LLGL1: variants seen among roughly 807,000 people sequenced by gnomAD.
LLGL1 encodes LLGL scribble cell polarity complex component 1.
In LLGL1, 58 loss-of-function variants were observed where a neutral mutation model predicts 110.6. That is an observed-to-expected ratio of 0.52 (90% confidence interval 0.42 to 0.65). The LOEUF is 0.65. Ranked by LOEUF, LLGL1 falls within the 30% of genes least tolerant of loss-of-function variation. The pLI is 0.00. For missense variants in LLGL1, 1,229 were observed against 1,462.1 expected (o/e 0.84, Z 2.60); for synonymous variants, 674 against 607.2 (o/e 1.11, Z -1.62).
At chr17:18,230,255 T>TG (rs35212748) in intron 2 of LLGL1, among the ~76,000 whole-genome samples, 1 of 152,148 alleles carries the variant, frequency 6.6e-6, no homozygotes. Flanking sequence ...AGACGGGTGG[T>TG]GGGGGGTCAG....
chr17:18,242,145 A>G, intron 19 of LLGL1, 21 bp from the exon 20 acceptor site: 1 of 1,598,914 alleles, frequency 6.3e-7, no homozygotes, highest in Non-Finnish European at 8.6e-7. Flanking sequence ...TATGGTCCCC[A>G]TCATGGCCCC....
At chr17:18,227,107 A>C (rs1021285119) in intron 1 of LLGL1, among the ~76,000 whole-genome samples, 7 of 152,102 alleles carry the variant, frequency 4.6e-5, no homozygotes, top group Non-Finnish European at 5.9e-5. Flanking sequence ...TTGAGGAGAC[A>C]CTTGTCTTGG....
rs1420423222 is a variant in LLGL1, at chr17:18,238,556, C to T, written c.2153C>T (p.Ser718Phe). 1 of 1,613,190 alleles carries T rather than the reference C, an allele frequency of 6.2e-7. No individual in the cohort carries two copies. Among genetic ancestry groups the T allele is most frequent in the Admixed American group, 1.7e-5 (1 of 60,014 alleles). ...ATTGAGCCCCGCTCTGCCGATGACTCCTTGTCGGGTGTCGTGCGTTGCCTA... is the reference window on the plus strand; with the variant it reads ...ATTGAGCCCCGCTCTGCCGATGACTTCTTGTCGGGTGTCGTGCGTTGCCTA... Reference protein sequence around the residue: ...RRIEPRSADDSLSGVVRCLYF... With the variant: ...RRIEPRSADDFLSGVVRCLYF... The change falls in exon 16 of 23, where the codon TCC becomes TTC. Residue 718 changes from serine (S) to phenylalanine (F), a missense_variant. By Grantham distance (155) the Ser-to-Phe change is radical. Transcript: ENST00000316843.
rs2047743355 is a variant in LLGL1 at position 18,238,346 on chromosome 17, G to A, written c.2053-110G>A. ...AGCCCCTGGGCCCTCCAGAGGGATGGGTGAACTAAGCTGGGTGGTAGAGGA... is the reference window on the plus strand; with the variant it reads ...AGCCCCTGGGCCCTCCAGAGGGATGAGTGAACTAAGCTGGGTGGTAGAGGA... On this transcript the variant is annotated intron_variant, in intron 15 of 22. Transcript: ENST00000316843. 8.3e-6 allele frequency: 13 copies of A among 1,567,796 alleles called. No individual in the cohort carries two copies. In the Admixed American group the frequency reaches 1.5e-4, roughly 19 times the overall value.
Position 18,242,801 on chromosome 17 carries a change from T to C in LLGL1, c.3175T>C (p.Cys1059Arg), listed in dbSNP as rs573168513. Residue 1059 changes from cysteine to arginine, a missense_variant, in exon 22 of 23, where the codon TGT (cysteine) becomes CGT (arginine). Coordinates refer to ENST00000316843, the MANE Select transcript of LLGL1 (RefSeq NM_004140.4). ...RNLAEDEAHA[C>R]AILIK ...CCTGGCAGAAGACGAGGCCCACGCC[T>C]GTGCCATCCTGATCAAATGAGGTGC... 73 of 1,557,296 alleles carry C rather than the reference T, an allele frequency of 4.7e-5. No homozygotes were observed. The highest frequency in any genetic ancestry group is 6.3e-5 in the Non-Finnish European group (72 of 1,150,560).
Position 18,238,183 on chromosome 17 carries a change from G to T in LLGL1, c.2021G>T (p.Gly674Val), listed in dbSNP as rs763968580. ...FRRIRKSRVS[G>V]KKRAANASSK... ...CGCATTCGCAAGAGTCGTGTCTCTGGCAAGAAGCGGGCTGCTAATGCCAGC... is the reference window on the plus strand; with the variant it reads ...CGCATTCGCAAGAGTCGTGTCTCTGTCAAGAAGCGGGCTGCTAATGCCAGC... Residue 674 changes from glycine (G) to valine (V), a missense_variant, in exon 15 of 23, where the codon GGC becomes GTC. By Grantham distance (109) the Gly-to-Val change is moderately radical. Transcript: ENST00000316843. 1 of 1,612,512 alleles carries T rather than the reference G, an allele frequency of 6.2e-7. No individual in the cohort carries two copies. The highest frequency in any genetic ancestry group is 2.2e-5 in the East Asian group (1 of 44,878).
chr17:18,237,215 GAGAT>G, intron 13 of LLGL1: 1 of 595,698 alleles, frequency 1.7e-6, no homozygotes, highest in Non-Finnish European at 3.0e-6. Context: ...TGCTAAATGG[GAGAT>G]AGAGGCTCAG....
At chr17:18,236,563 C>T (rs370124203) in intron 11 of LLGL1, 44 bp from the exon 12 acceptor site, 93 of 1,573,200 alleles carry the variant, frequency 5.9e-5, no homozygotes, top group South Asian at 2.4e-4. Context: ...GGCGTGCAGG[C>T]CTCCCAGGAA....
At chr17:18,233,461 G>C (rs1229291867) in intron 4 of LLGL1, among the ~76,000 whole-genome samples, 1 of 152,150 alleles carries the variant, frequency 6.6e-6, no homozygotes, top group African/African-American at 2.4e-5. Flanking sequence ...TCCTAGGAGG[G>C]GCTCAGCGGG....
At chr17:18,243,386 C>T (rs1259505583) in intron 22 of LLGL1, among the ~76,000 whole-genome samples, 5 of 152,226 alleles carry the variant, frequency 3.3e-5, no homozygotes, top group Non-Finnish European at 7.3e-5. Flanking sequence ...GGATTACAGG[C>T]GTGAGCCACC....
Position 18,240,932 on chromosome 17 carries a change from T to G in LLGL1, c.2502+59T>G. ...GACTCCCCTCCAGGCCCCAACCTCA[T>G]GGACACCATTGGACCCTCAAGAAAC... On this transcript the variant is annotated intron_variant, in intron 17 of 22. Coordinates refer to ENST00000316843, the MANE Select transcript of LLGL1 (RefSeq NM_004140.4). The surrounding 1 kb of genome is among the most constrained non-coding windows in gnomAD (Gnocchi z 5.3). 2 of 1,425,242 alleles carry G rather than the reference T, an allele frequency of 1.4e-6. No individual in the cohort carries two copies. The highest frequency in any genetic ancestry group is 1.4e-5 in the African/African-American group (1 of 69,790). 88.3% of individuals were successfully genotyped at this position (1,425,242 alleles called of 1,614,324 possible). A position where few individuals can be genotyped will look rare whatever the true frequency, so the allele number is the denominator to read the frequency against.
chr17:18,244,722 C>CGGAGGGG lies in LLGL1; in HGVS notation c.*818_*819insAGGGGGG, dbSNP rs2047949732. On this transcript the variant is annotated 3_prime_UTR_variant, in exon 23 of 23. Transcript: ENST00000316843. Reference sequence around the variant, plus strand: ...GGCCTAGTCAGGTGTGTGTGTCCGGCGGGGGGGGGGGGCAGGGGGGGGGGT... The same window carrying CGGAGGGG: ...GGCCTAGTCAGGTGTGTGTGTCCGGCGGAGGGGGGGGGGGGGGGGCAGGGGGGGGGGT... The CGGAGGGG allele has an allele frequency of 1.3e-4, 1 of 7,872 alleles. No individual in the cohort carries two copies. The highest frequency in any genetic ancestry group is 1.1e-3 in the African/African-American group (1 of 934). The allele number at this position is 7,872 out of a possible 1,614,324, so 0.5% of individuals were successfully genotyped here. A position where few individuals can be genotyped will look rare whatever the true frequency, so the allele number is the denominator to read the frequency against.
rs779949594 is a variant in LLGL1, at chr17:18,232,672, G to A, written c.262G>A (p.Gly88Ser). The A allele has an allele frequency of 5.6e-6, 9 of 1,614,056 alleles. No individual in the cohort carries two copies. The highest frequency in any genetic ancestry group is 7.6e-6 in the Non-Finnish European group (9 of 1,179,996). The change falls in exon 4 of 23, where the codon GGC becomes AGC. Residue 88 changes from glycine to serine, a missense_variant and splice_region_variant. Coordinates refer to ENST00000316843, the MANE Select transcript of LLGL1 (RefSeq NM_004140.4). The stretch of plus-strand genomic sequence containing the variant: ...GTTTTCATCTCTGCTCACACACCAG[G>A]GCCGCCTCCTGTCCCTGCTTGATGA... ...VTQMHFLTGQ[G>S]RLLSLLDDSS...
chr17:18,236,225 C>T (rs2142639512), intron 11 of LLGL1: 1 of 203,782 alleles, frequency 4.9e-6, no homozygotes, highest in East Asian at 1.4e-4. Flanking sequence ...AGCTCCTCCC[C>T]CGGGATGCCC....
chr17:18,241,268 G>T (rs964687562), intron 17 of LLGL1, 183 bp from the exon 18 acceptor site: 4 of 699,646 alleles, frequency 5.7e-6, no homozygotes, highest in Non-Finnish European at 9.3e-6. Context: ...GGCCTGGGAG[G>T]TTTCTGGAGT....
intron 16 of LLGL1, among the ~76,000 whole-genome samples, chr17:18,239,776 A>G (rs574449118): frequency 1.3e-5 from 2 of 151,554 alleles, no homozygotes; most frequent in South Asian, 4.2e-4. Context: ...TTTTGACTAC[A>G]AAGACCTAGA....
In LLGL1 at chr17:18,242,553, A is replaced by G. The variant is rs1256379537; in HGVS notation, c.3041A>G (p.Asp1014Gly). The change falls in exon 21 of 23, where the codon GAC becomes GGC. Residue 1014 changes from aspartate (D) to glycine (G), a missense_variant. Transcript: ENST00000316843. Reference protein sequence around the residue: ...PEAALSPMSIDSATSADTTLD... With the variant: ...PEAALSPMSIGSATSADTTLD... Reference sequence around the variant, plus strand: ...GCTGCACTCTCACCCATGTCCATCGACTCAGCCACCAGTGCTGACACCACG... The same window carrying G: ...GCTGCACTCTCACCCATGTCCATCGGCTCAGCCACCAGTGCTGACACCACG... 1 of 1,613,978 alleles carries G rather than the reference A, an allele frequency of 6.2e-7. No individual in the cohort carries two copies. Among genetic ancestry groups the G allele is most frequent in the Admixed American group, 1.7e-5 (1 of 60,014 alleles).
chr17:18,231,404 C>T (rs533592051), intron 2 of LLGL1, among the ~76,000 whole-genome samples: 4 of 152,352 alleles, frequency 2.6e-5, no homozygotes, highest in South Asian at 2.1e-4. Context: ...CTCCAGGCAA[C>T]GGCTCCTGTG....
chr17:18,238,853 A>C (rs1295330149), intron 16 of LLGL1, among the ~76,000 whole-genome samples: 1 of 152,196 alleles, frequency 6.6e-6, no homozygotes, highest in South Asian at 2.1e-4. Flanking sequence ...TCTACTAAAA[A>C]TACAAAAATT....
Sources: allele counts gnomAD v4.1 joint callset (sites outside exome capture counted in the v4.1 genomes callset), GRCh38; gene constraint gnomAD v4.1.1; non-coding constraint Gnocchi (gnomAD v3.1); transcripts MANE v1.5; gene names NCBI Gene and HGNC (gene_info 2026-07-23, HGNC 2026-07-21).